Variants in TLL1 observed in about 807,000 individuals in gnomAD.
TLL1 encodes the protein tolloid-like protein 1.
A neutral mutation model predicts 128.2 loss-of-function variants in TLL1; 49 were observed. The observed-to-expected ratio is 0.38, with a 90% CI of 0.30 to 0.48. The LOEUF (loss-of-function observed/expected upper bound fraction) is 0.48. TLL1 is among the 20% of genes least tolerant of loss of function. The pLI is 0.96. For missense variants in TLL1, 1,123 were observed against 1,242.0 expected, an observed-to-expected ratio of 0.90 and a Z score of 1.44; for synonymous variants, 454 against 418.8, an observed-to-expected ratio of 1.08 and a Z score of -1.03.
intron 1 of TLL1, among the ~76,000 whole-genome samples, chr4:165,974,391 C>T (rs1358341801): frequency 2.3e-5 from 3 of 130,850 alleles, no homozygotes; most frequent in South Asian, 2.1e-4. Context: ...CCGCCCGCCT[C>T]GGCCTCCCAA....
intron 12 of TLL1, among the ~76,000 whole-genome samples, chr4:166,043,782 CT>C (rs199810877): frequency 2.0e-5 from 3 of 149,858 alleles, no homozygotes; most frequent in African/African-American, 7.4e-5. Context: ...GGTAGAAAGT[CT>C]TTTTTGTAAG....
intron 12 of TLL1, among the ~76,000 whole-genome samples, chr4:166,049,620 AC>A (rs1739620069): frequency 1.4e-5 from 2 of 148,082 alleles, no homozygotes; most frequent in Non-Finnish European, 3.0e-5. Flanking sequence ...ACATGTTTGA[AC>A]TTTTTTTTGA....
intron 1 of TLL1, among the ~76,000 whole-genome samples, chr4:165,892,563 A>G (rs2110834322): frequency 6.6e-6 from 1 of 152,278 alleles, no homozygotes; most frequent in African/African-American, 2.4e-5. Context: ...TTTTGAGTTA[A>G]GCATTGATCC....
intron 1 of TLL1, among the ~76,000 whole-genome samples, chr4:165,967,559 A>G (rs1314780528): frequency 2.0e-5 from 3 of 152,212 alleles, no homozygotes; most frequent in African/African-American, 7.2e-5. Context: ...CTGACTGCCC[A>G]CAACAAAGAT....
At chr4:166,054,577 C>T (rs960621858) in intron 12 of TLL1, among the ~76,000 whole-genome samples, 8 of 127,304 alleles carry the variant, frequency 6.3e-5, no homozygotes, top group African/African-American at 2.4e-4. Flanking sequence ...CCCCCCACCC[C>T]ACCACAGTCC....
intron 19 of TLL1, among the ~76,000 whole-genome samples, chr4:166,093,466 T>C (rs1741874056): frequency 6.6e-6 from 1 of 152,196 alleles, no homozygotes; most frequent in Admixed American, 6.5e-5. Context: ...GCTGCCAACA[T>C]GTCTCGCCTC....
intron 1 of TLL1, among the ~76,000 whole-genome samples, chr4:165,877,029 T>C (rs1221086700): frequency 6.6e-6 from 1 of 152,268 alleles, no homozygotes; most frequent in Non-Finnish European, 1.5e-5. Context: ...AGACTGTTGA[T>C]ACTGCCATTT....
chr4:165,937,251 C>T (rs1733806396), intron 1 of TLL1, among the ~76,000 whole-genome samples: 1 of 152,076 alleles, frequency 6.6e-6, no homozygotes, highest in Non-Finnish European at 1.5e-5. Flanking sequence ...AATAAAAAAA[C>T]CTGATGTGTT....
At chr4:165,956,616 C>G (rs907827865) in intron 1 of TLL1, among the ~76,000 whole-genome samples, 5 of 151,848 alleles carry the variant, frequency 3.3e-5, no homozygotes, top group African/African-American at 9.7e-5. Flanking sequence ...TTATTCTCTT[C>G]TTTTTCAAGG....
intron 1 of TLL1, among the ~76,000 whole-genome samples, chr4:165,875,432 G>A (rs1730683056): frequency 6.6e-6 from 1 of 152,112 alleles, no homozygotes; most frequent in Non-Finnish European, 1.5e-5. Flanking sequence ...TTAAATGCAG[G>A]TACTTATTTA....
At chr4:165,916,278 T>C (rs1404846878) in intron 1 of TLL1, among the ~76,000 whole-genome samples, 1 of 152,256 alleles carries the variant, frequency 6.6e-6, no homozygotes, top group Non-Finnish European at 1.5e-5. Flanking sequence ...TGTATCTTGA[T>C]CTCTGTTACT....
chr4:166,096,342 CG>C (rs1742019716), intron 19 of TLL1, among the ~76,000 whole-genome samples: 1 of 148,250 alleles, frequency 6.7e-6, no homozygotes, highest in African/African-American at 2.6e-5. Context: ...GAAGCAAAAC[CG>C]GGGGCGGGGG....
intron 5 of TLL1, among the ~76,000 whole-genome samples, chr4:166,001,984 C>T (rs1019685017): frequency 8.5e-5 from 13 of 152,100 alleles, no homozygotes; most frequent in African/African-American, 3.1e-4. Flanking sequence ...AAATATCATT[C>T]ATTATACTAC....
chr4:165,949,421 G>A (rs1469317588), intron 1 of TLL1, among the ~76,000 whole-genome samples: 1 of 152,092 alleles, frequency 6.6e-6, no homozygotes, highest in Non-Finnish European at 1.5e-5. Context: ...ACTGTCTCCA[G>A]ACTTCTGACC....
intron 1 of TLL1, among the ~76,000 whole-genome samples, chr4:165,943,417 T>C (rs1734108321): frequency 6.6e-6 from 1 of 151,976 alleles, no homozygotes; most frequent in Non-Finnish European, 1.5e-5. Context: ...AGATCAGAAG[T>C]TTTTTCCTCC....
At chr4:166,034,694 C>A (rs1738918986) in intron 9 of TLL1, among the ~76,000 whole-genome samples, 1 of 151,940 alleles carries the variant, frequency 6.6e-6, no homozygotes, top group African/African-American at 2.4e-5. Flanking sequence ...TAGAATATCA[C>A]CTATAGGATT....
intron 1 of TLL1, among the ~76,000 whole-genome samples, chr4:165,921,164 G>A (rs373801449): frequency 2.0e-5 from 3 of 152,128 alleles, no homozygotes; most frequent in African/African-American, 7.2e-5. Context: ...GGGCCCAAAT[G>A]AGATGACATA....
At chr4:165,890,706 C>T (rs1473777707) in intron 1 of TLL1, among the ~76,000 whole-genome samples, 1 of 152,234 alleles carries the variant, frequency 6.6e-6, no homozygotes, top group African/African-American at 2.4e-5. Flanking sequence ...AGCTTCTCTC[C>T]TGGCTGCCTT....
chr4:166,047,381 G>A (rs954954658), intron 12 of TLL1, among the ~76,000 whole-genome samples: 1 of 151,412 alleles, frequency 6.6e-6, no homozygotes, highest in Non-Finnish European at 1.5e-5. Flanking sequence ...AGCCAGGATG[G>A]TCTCGATCTC....
Sources: allele counts gnomAD v4.1 joint callset (sites outside exome capture counted in the v4.1 genomes callset), GRCh38; gene constraint gnomAD v4.1.1; transcripts MANE v1.5; gene names NCBI Gene and HGNC (gene_info 2026-07-23, HGNC 2026-07-21).